The following NINL variants were observed in gnomAD, a reference collection of about 807,000 sequenced individuals.
NINL encodes ninein like.
Under a neutral mutation model 160.3 loss-of-function variants are expected in NINL, and 153 were observed. The observed-to-expected ratio is 0.95, with a 90% CI of 0.84 to 1.09. The LOEUF is 1.09. Among genes scored for constraint, NINL ranks in the 50% least tolerant of loss-of-function variants. The pLI, the probability that NINL is intolerant of heterozygous loss-of-function variation, is 0.00. For synonymous variants in NINL, 800 were observed against 734.8 expected (o/e 1.09, Z -1.43); for missense variants, 1,829 against 1,764.0 (o/e 1.04, Z -0.66).
intron 22 of NINL, 27 bp downstream of exon 22, chr20:25,458,356 G>C: frequency 6.2e-7 from 1 of 1,603,490 alleles, no homozygotes; most frequent in Non-Finnish European, 8.5e-7. Flanking sequence ...CATCTCGTCA[G>C]CCATCTCTCG....
intron 1 of NINL, among the ~76,000 whole-genome samples, chr20:25,527,607 C>T (rs1451356874): frequency 6.6e-6 from 1 of 151,698 alleles, no homozygotes; most frequent in Non-Finnish European, 1.5e-5. Context: ...AATAAAAATA[C>T]ACAGAGGATG....
In NINL at chr20:25,476,369, CCT is replaced by C. The variant is rs1300184418; in HGVS notation, c.2920_2921del (p.Arg974AlafsTer83). The C allele has an allele frequency of 6.2e-7, 1 of 1,611,426 alleles. No homozygotes were observed. The highest frequency in any genetic ancestry group is 1.3e-5 in the African/African-American group (1 of 74,882). ...PAASCRGQAE[R>X]LQAIQEERAR... ...CTCGCTCTTCCTGAATGGCCTGTAG[CCT>C]CTCAGCCTGTCCCCTGCACGAAGCG... On this transcript the variant is annotated frameshift_variant, in exon 17 of 24. Transcript: ENST00000278886. LOFTEE classifies it high-confidence loss of function.
At chr20:25,557,289 G>C (rs1455414712) in intron 1 of NINL, among the ~76,000 whole-genome samples, 1 of 152,148 alleles carries the variant, frequency 6.6e-6, no homozygotes, top group African/African-American at 2.4e-5. Flanking sequence ...CTAGCACTTT[G>C]GAAGGCCAAG....
intron 5 of NINL, among the ~76,000 whole-genome samples, chr20:25,508,108 C>G (rs1320669292): frequency 6.6e-6 from 1 of 152,228 alleles, no homozygotes. Context: ...GCTGACTTTT[C>G]TCAGCACACA....
In NINL at chr20:25,526,522, C is replaced by T. The variant is rs116216395; in HGVS notation, c.66G>A (p.Thr22=). ...CCTGGCGGTCCAGAAAGCCAGTCCC[C>T]GTGGTGTCGCAGCTGCTGTAGACTT... The part of the protein sequence containing the change: ...LREVYSSCDT[T]GTGFLDRQEL... The change falls in exon 2 of 24, where the codon ACG becomes ACA. Residue 22 remains threonine (T), a synonymous_variant. Transcript: ENST00000278886. The T allele has an allele frequency of 6.4e-4, 1,027 of 1,614,184 alleles. 4 individuals are homozygous for T. In the African/African-American group the frequency reaches 0.012, roughly 19 times the overall value.
chr20:25,486,571 C>T (rs1002253470), intron 13 of NINL, among the ~76,000 whole-genome samples: 3 of 152,140 alleles, frequency 2.0e-5, no homozygotes, highest in African/African-American at 7.2e-5. Flanking sequence ...GCCCCACCCA[C>T]CCCACACACA....
Position 25,477,809 on chromosome 20 carries a change from C to G in NINL, c.2202-720G>C, listed in dbSNP as rs140241920. ...GCTGAGAGGAGAGGGGCTGCTTGTG[C>G]CTGCCCCTCTGTTCCCACTGGGGTC... On this transcript the variant is annotated intron_variant, in intron 16 of 23. Coordinates refer to ENST00000278886, the MANE Select transcript of NINL (RefSeq NM_025176.6). 1.4e-3 allele frequency among the ~76,000 whole-genome samples: 206 copies of G among 152,288 alleles called. 1 individual carries two copies. The highest frequency in any genetic ancestry group is 4.7e-3 in the African/African-American group (194 of 41,554).
At chr20:25,508,571 T>C (rs965156120) in intron 5 of NINL, among the ~76,000 whole-genome samples, 9 of 152,194 alleles carry the variant, frequency 5.9e-5, no homozygotes, top group Admixed American at 5.2e-4. Context: ...ACCAGTGGGA[T>C]CCAGTGCAGC....
chr20:25,504,098 C>G lies in NINL; in HGVS notation c.715G>C (p.Glu239Gln). 6.4e-7 allele frequency: 1 copy of G among 1,570,184 alleles called. No homozygotes were observed. The highest frequency in any genetic ancestry group is 8.6e-7 in the Non-Finnish European group (1 of 1,159,092). The part of the protein sequence containing the change: ...GLQGLEKEEL[E>Q]DLFNKLDQDG... ...TGATCCAGTTTGTTAAACAGGTCTT[C>G]GAGTTCCTAAACAAAAGCCGTCATA... is the stretch of plus-strand genomic sequence containing the variant. Residue 239 changes from glutamate (E) to glutamine (Q), a missense_variant, in exon 7 of 24, where the codon GAA becomes CAA. By Grantham distance (29) the Glu-to-Gln change is conservative. Coordinates refer to ENST00000278886, the MANE Select transcript of NINL (RefSeq NM_025176.6).
chr20:25,535,269 G>A (rs539757488), intron 1 of NINL, among the ~76,000 whole-genome samples: 2 of 152,178 alleles, frequency 1.3e-5, no homozygotes, highest in African/African-American at 4.8e-5. Flanking sequence ...GGTGTCGGGG[G>A]TTGTGGAGTT....
chr20:25,461,998 C>T (rs191304221), intron 20 of NINL, among the ~76,000 whole-genome samples: 16 of 152,346 alleles, frequency 1.1e-4, no homozygotes, highest in African/African-American at 3.6e-4. Flanking sequence ...GATTTCAGTT[C>T]TGCTTTGCTA....
intron 1 of NINL, among the ~76,000 whole-genome samples, chr20:25,580,332 TAA>T (rs879800986): frequency 3.6e-5 from 5 of 138,352 alleles, no homozygotes; most frequent in African/African-American, 2.7e-5. Flanking sequence ...AGACTCCACC[TAA>T]AAAAAAAAAA....
chr20:25,516,832 C>T (rs1336393439), intron 3 of NINL, among the ~76,000 whole-genome samples: 2 of 152,156 alleles, frequency 1.3e-5, no homozygotes, highest in East Asian at 3.9e-4. Context: ...ACCACCAGCA[C>T]ACAGCAGAAG....
At chr20:25,551,498 C>G (rs545223430) in intron 1 of NINL, among the ~76,000 whole-genome samples, 2 of 152,148 alleles carry the variant, frequency 1.3e-5, no homozygotes, top group African/African-American at 2.4e-5. Flanking sequence ...GTGTCTCTAT[C>G]AGCAGAGGTT....
At chr20:25,505,989 C>T (rs112669006) in intron 5 of NINL, among the ~76,000 whole-genome samples, 5 of 152,334 alleles carry the variant, frequency 3.3e-5, no homozygotes, top group South Asian at 2.1e-4. Flanking sequence ...AGGGGCTGGG[C>T]GCGGTGGCTT....
intron 1 of NINL, among the ~76,000 whole-genome samples, chr20:25,547,458 C>T (rs931379987): frequency 6.6e-6 from 1 of 152,206 alleles, no homozygotes; most frequent in African/African-American, 2.4e-5. Flanking sequence ...TTCAGATGCA[C>T]AGGTCACAAC....
At chr20:25,467,272 A>G in intron 19 of NINL, 117 bp downstream of exon 19, 1 of 928,930 alleles carries the variant, frequency 1.1e-6, no homozygotes, top group Non-Finnish European at 1.7e-6. Context: ...TCAGCAACTC[A>G]CTGTCAAGTC....
Position 25,453,415 on chromosome 20 carries a change from T to C in NINL, c.*36A>G. ...CAGCACAGTGGCTTAATTTAAAAGA[T>C]GTGCTTTCGAATGAATCCTAGAAAA... On this transcript the variant is annotated 3_prime_UTR_variant, in exon 24 of 24. Transcript: ENST00000278886. 4 of 1,547,056 alleles carry C rather than the reference T, an allele frequency of 2.6e-6. No individual in the cohort carries two copies.
intron 2 of NINL, among the ~76,000 whole-genome samples, chr20:25,522,113 G>A (rs954078883): frequency 6.6e-6 from 1 of 152,060 alleles, no homozygotes; most frequent in Non-Finnish European, 1.5e-5. Context: ...TGGCTATGTT[G>A]CCCAGACTGG....
Sources: gnomAD v4.1 joint callset for allele counts (sites outside exome capture counted in the v4.1 genomes callset) on GRCh38, gnomAD v4.1.1 for gene constraint, MANE v1.5 for transcripts, NCBI Gene and HGNC (gene_info 2026-07-23, HGNC 2026-07-21) for gene names.